EEF1D: variants seen among roughly 807,000 people sequenced by gnomAD.
EEF1D encodes elongation factor 1-delta.
A neutral mutation model predicts 63.9 loss-of-function variants in EEF1D; 47 were observed. The observed-to-expected ratio is 0.74, with a 90% CI of 0.58 to 0.94. The LOEUF is 0.94. Among genes scored for constraint, EEF1D ranks in the 40% least tolerant of loss-of-function variants. The pLI is 0.00. For missense variants in EEF1D, 907 were observed against 899.0 expected (o/e 1.01, Z -0.11); for synonymous variants, 412 against 386.1 (o/e 1.07, Z -0.79).
chr8:143,581,034 G>A lies in EEF1D; in HGVS notation c.1488+20C>T. ...GGCCACGTGGTCCCCTGCAGTGTCA[G>A]GCGTGGGGAGAGCATTCACCTGGGT... On this transcript the variant is annotated intron_variant, in intron 7 of 9. Transcript: ENST00000618139. The A allele has an allele frequency of 6.2e-7, 1 of 1,609,052 alleles. No homozygotes were observed. Among genetic ancestry groups the A allele is most frequent in the East Asian group, 2.2e-5 (1 of 44,846 alleles).
At chr8:143,586,087 C>T (rs1201495050) in intron 5 of EEF1D, 132 bp downstream of exon 5, 1 of 715,156 alleles carries the variant, frequency 1.4e-6, no homozygotes, top group African/African-American at 1.8e-5. Flanking sequence ...GCCACACGTC[C>T]CAAGGAGCAC....
At chr8:143,584,908 G>A (rs773398836) in intron 5 of EEF1D, among the ~76,000 whole-genome samples, 2 of 152,062 alleles carry the variant, frequency 1.3e-5, no homozygotes, top group Non-Finnish European at 2.9e-5. Flanking sequence ...TCCCACAATT[G>A]TATTTTGGGA....
intron 1 of EEF1D, chr8:143,597,144 G>T (rs910596699): frequency 6.6e-6 from 1 of 152,104 alleles, no homozygotes; most frequent in African/African-American, 2.4e-5. Context: ...CCTCCAAGCC[G>T]GCCACGTGGC....
chr8:143,584,792 C>T (rs1587136103), intron 5 of EEF1D, among the ~76,000 whole-genome samples: 1 of 152,276 alleles, frequency 6.6e-6, no homozygotes, highest in African/African-American at 2.4e-5. Flanking sequence ...CACAGGAGCG[C>T]TCCCTTCAAA....
intron 1 of EEF1D, chr8:143,596,041 G>C (rs1285804968): frequency 6.6e-6 from 1 of 152,368 alleles, no homozygotes. Context: ...GCCAGTGCAC[G>C]GCACAGCCCA....
intron 1 of EEF1D, chr8:143,597,146 C>G (rs1203553717): frequency 2.0e-5 from 3 of 152,170 alleles, no homozygotes; most frequent in Non-Finnish European, 4.4e-5. Context: ...TCCAAGCCGG[C>G]CACGTGGCCT....
Position 143,580,495 on chromosome 8 carries a change from C to T in EEF1D, c.1710+11G>A, listed in dbSNP as rs931378101. On this transcript the variant is annotated intron_variant, in intron 8 of 9. Coordinates refer to ENST00000618139, the MANE Select transcript of EEF1D (RefSeq NM_001130053.5). ...TGCCTGGCCCCCTGAAGCCCCACCC[C>T]GCCCACTCACAGGCTTGACATCCAG... 4 of 1,609,750 alleles carry T rather than the reference C, an allele frequency of 2.5e-6. No individual in the cohort carries two copies. Among genetic ancestry groups the T allele is most frequent in the South Asian group, 1.1e-5 (1 of 90,940 alleles).
At chr8:143,587,066 C>G (rs1232844712) in intron 3 of EEF1D, 1 of 530,740 alleles carries the variant, frequency 1.9e-6, no homozygotes, top group Non-Finnish European at 3.3e-6. Context: ...CCGAGAACCT[C>G]TGAGGGTCCC....
chr8:143,581,119 C>A lies in EEF1D; in HGVS notation c.1423G>T (p.Glu475Ter), dbSNP rs1247102528. Residue 475 changes from glutamate to a stop codon, truncating the protein, a stop_gained, in exon 7 of 10, where the codon GAG becomes TAG. Transcript: ENST00000618139. LOFTEE classifies it high-confidence loss of function. Reference sequence around the variant, plus strand: ...TTCTCCAGCACGTTCAGCCGGGCCTCCAGCTTGGAGATGGCCTGCTGCAGC... The same window carrying A: ...TTCTCCAGCACGTTCAGCCGGGCCTACAGCTTGGAGATGGCCTGCTGCAGC... ...QELQQAISKLEARLNVLEKSS... is the reference protein window; with the variant it reads ...QELQQAISKL 6.2e-7 allele frequency: 1 copy of A among 1,612,860 alleles called. No individual in the cohort carries two copies. The highest frequency in any genetic ancestry group is 1.7e-5 in the Admixed American group (1 of 60,006).
chr8:143,588,715 C>T (rs1402085773), intron 3 of EEF1D: 3 of 488,888 alleles, frequency 6.1e-6, no homozygotes, highest in Non-Finnish European at 1.1e-5. Context: ...AAGAGGGACC[C>T]TGGGCAAGGC....
intron 7 of EEF1D, 23 bp from the exon 8 acceptor site, chr8:143,580,750 A>G: frequency 1.2e-6 from 2 of 1,610,296 alleles, no homozygotes; most frequent in Non-Finnish European, 1.7e-6. Flanking sequence ...AAGGGACAGG[A>G]GGCACGGCTG....
rs1351959249 is a variant in EEF1D, at chr8:143,589,702, T to C, written c.380A>G (p.Gln127Arg). The change falls in exon 3 of 10, where the codon CAG becomes CGG. Residue 127 changes from glutamine to arginine, a missense_variant. Coordinates refer to ENST00000618139, the MANE Select transcript of EEF1D (RefSeq NM_001130053.5). ...LFDQAESSYR[Q>R]KLADVAAQAA... ...CTGGGCAGCCACATCTGCCAGCTTC[T>C]GGCGGTAGGAGCTCTCTGCCTGGTC... is the stretch of plus-strand genomic sequence containing the variant. 5 of 1,525,388 alleles carry C rather than the reference T, an allele frequency of 3.3e-6. No individual in the cohort carries two copies. The Admixed American group carries it at 6.5e-5, about 20-fold the overall frequency. 94.5% of individuals were successfully genotyped at this position (1,525,388 alleles called of 1,614,324 possible).
At chr8:143,580,481 C>T in intron 8 of EEF1D, 25 bp downstream of exon 8, 1 of 1,605,676 alleles carries the variant, frequency 6.2e-7, no homozygotes, top group Non-Finnish European at 8.5e-7. Flanking sequence ...GCCTGGCCCC[C>T]TGAAGCCCCA....
In EEF1D at chr8:143,589,654, G is replaced by A. The variant is rs772061445; in HGVS notation, c.428C>T (p.Ala143Val). 1 of 1,541,974 alleles carries A rather than the reference G, an allele frequency of 6.5e-7. No homozygotes were observed. The highest frequency in any genetic ancestry group is 1.2e-5 in the South Asian group (1 of 81,686). ...AAQAAWPPAL[A>V]PWGLCTHGNQ... ...TCCATGGGTGCAGAGACCCCAAGGG[G>A]CCAAGGCAGGAGGCCAGGCTGCCTG... Residue 143 changes from alanine to valine, a missense_variant, in exon 3 of 10, where the codon GCC (alanine) becomes GTC (valine). Coordinates refer to ENST00000618139, the MANE Select transcript of EEF1D (RefSeq NM_001130053.5).
chr8:143,580,854 T>C, intron 7 of EEF1D, 127 bp from the exon 8 acceptor site: 1 of 1,224,902 alleles, frequency 8.2e-7, no homozygotes, highest in South Asian at 1.3e-5. Context: ...GTACCGCAGC[T>C]GTGTACATGC....
In EEF1D at chr8:143,581,130, A is replaced by G. The variant is rs1352498732; in HGVS notation, c.1412T>C (p.Ile471Thr). The change falls in exon 7 of 10, where the codon ATC (isoleucine) becomes ACC (threonine). Residue 471 changes from isoleucine (I) to threonine (T), a missense_variant. Physicochemically the swap from Ile to Thr is moderately conservative, Grantham distance 89. Coordinates refer to ENST00000618139, the MANE Select transcript of EEF1D (RefSeq NM_001130053.5). ...GTTCAGCCGGGCCTCCAGCTTGGAG[A>G]TGGCCTGCTGCAGCTCCTGTACCAC... ...RGVVQELQQAISKLEARLNVL... is the reference protein window; with the variant it reads ...RGVVQELQQATSKLEARLNVL... 3 of 1,612,942 alleles carry G rather than the reference A, an allele frequency of 1.9e-6. No homozygotes were observed. The African/African-American group carries it at 4.0e-5, about 21-fold the overall frequency.
intron 8 of EEF1D, 131 bp from the exon 9 acceptor site, chr8:143,580,337 C>A: frequency 8.0e-7 from 1 of 1,252,550 alleles, no homozygotes; most frequent in Non-Finnish European, 1.1e-6. Context: ...AGAAAACAAT[C>A]CAAATTCACA....
At chr8:143,595,287 T>C (rs1393599843) in intron 1 of EEF1D, among the ~76,000 whole-genome samples, 2 of 152,300 alleles carry the variant, frequency 1.3e-5, no homozygotes, top group African/African-American at 4.8e-5. Context: ...GCCAGGCTGG[T>C]CTCGAACTCC....
chr8:143,580,318 AG>A, intron 8 of EEF1D, 112 bp from the exon 9 acceptor site: 2 of 1,296,256 alleles, frequency 1.5e-6, no homozygotes, highest in Non-Finnish European at 1.1e-6. Context: ...GTTTCCTTAA[AG>A]GGCCCACAGA....
Sources: gnomAD v4.1 joint callset for allele counts (sites outside exome capture counted in the v4.1 genomes callset) on GRCh38, gnomAD v4.1.1 for gene constraint, MANE v1.5 for transcripts, NCBI Gene and HGNC (gene_info 2026-07-23, HGNC 2026-07-21) for gene names.